The following CTNNA3 variants were observed in gnomAD, a reference collection of about 807,000 sequenced individuals.
CTNNA3 encodes catenin alpha-3.
In CTNNA3, 76 loss-of-function variants were observed where a neutral mutation model predicts 95.7. The ratio of observed to expected loss-of-function variants is 0.79; its 90% CI spans 0.66 to 0.96. The LOEUF (loss-of-function observed/expected upper bound fraction) is 0.96, where lower values mean the gene tolerates loss of function less well. Ranked by LOEUF, CTNNA3 falls within the 40% of genes least tolerant of loss-of-function variation. The pLI, the probability that CTNNA3 is intolerant of heterozygous loss-of-function variation, is 0.00. For synonymous variants in CTNNA3, 431 were observed against 374.4 expected, an observed-to-expected ratio of 1.15 and a Z score of -1.74; for missense variants, 1,191 against 1,089.8, an observed-to-expected ratio of 1.09 and a Z score of -1.31.
At chr10:66,881,417 G>C (rs1463157083) in intron 7 of CTNNA3, among the ~76,000 whole-genome samples, 2 of 152,122 alleles carry the variant, frequency 1.3e-5, no homozygotes, top group Admixed American at 6.6e-5. Flanking sequence ...TACCCTGTGT[G>C]CTGGATTATT....
At chr10:66,722,932 G>A (rs1377353599) in intron 9 of CTNNA3, among the ~76,000 whole-genome samples, 1 of 152,080 alleles carries the variant, frequency 6.6e-6, no homozygotes, top group Non-Finnish European at 1.5e-5. Context: ...TGTCCCTTCC[G>A]TCCAATCACA....
intron 10 of CTNNA3, among the ~76,000 whole-genome samples, chr10:66,525,505 C>T (rs1437480803): frequency 6.6e-6 from 1 of 152,064 alleles, no homozygotes; most frequent in African/African-American, 2.4e-5. Flanking sequence ...ACACTGTACT[C>T]TCTTCTATAA....
chr10:66,534,834 A>T lies in CTNNA3; in HGVS notation c.1375-14061T>A, dbSNP rs113123101. Among the ~76,000 whole-genome samples, 1,044 of 151,870 alleles carry T rather than the reference A, an allele frequency of 6.9e-3. 15 individuals are homozygous for T. Among genetic ancestry groups the T allele is most frequent in the African/African-American group, 0.024 (998 of 41,528 alleles). On this transcript the variant is annotated intron_variant, in intron 10 of 17. Coordinates refer to ENST00000433211, the MANE Select transcript of CTNNA3 (RefSeq NM_013266.4). ...ATTAAAATTAAATTATTTATTTTCTAAAGTTATGAAGTATTAAAGTTTGGA... is the reference window on the plus strand; with the variant it reads ...ATTAAAATTAAATTATTTATTTTCTTAAGTTATGAAGTATTAAAGTTTGGA...
intron 11 of CTNNA3, among the ~76,000 whole-genome samples, chr10:66,518,193 G>C (rs1840930325): frequency 6.6e-6 from 1 of 152,110 alleles, no homozygotes; most frequent in African/African-American, 2.4e-5. Flanking sequence ...AGCAGATCCA[G>C]AATATCGGTA....
chr10:66,370,601 A>T (rs567630197), intron 12 of CTNNA3, among the ~76,000 whole-genome samples: 1 of 152,258 alleles, frequency 6.6e-6, no homozygotes, highest in Non-Finnish European at 1.5e-5. Flanking sequence ...CTTAGCTCTC[A>T]AGGTAGCTGG....
In CTNNA3 at chr10:67,148,687, C is replaced by T. The variant is rs1376610271; in HGVS notation, c.1047+31630G>A. ...AAAATTTCCTCATCCAGTGCACTAC[C>T]CTCTTCTTACATGTGGGAGCAAATG... On this transcript the variant is annotated intron_variant, in intron 7 of 17. Transcript: ENST00000433211. 2.0e-5 allele frequency among the ~76,000 whole-genome samples: 3 copies of T among 152,144 alleles called. No individual in the cohort carries two copies. In the East Asian group the frequency reaches 5.8e-4, roughly 29 times the overall value.
At chr10:66,176,123 C>T (rs35867250) in intron 13 of CTNNA3, among the ~76,000 whole-genome samples, 12,946 of 152,116 alleles carry the variant, frequency 0.085, 608 homozygotes, top group Admixed American at 0.12. Context: ...GCCATAGCAC[C>T]GGCTTTAAAA....
At chr10:66,444,674 G>A (rs1423938444) in intron 11 of CTNNA3, among the ~76,000 whole-genome samples, 1 of 152,060 alleles carries the variant, frequency 6.6e-6, no homozygotes, top group Non-Finnish European at 1.5e-5. Context: ...CCTGAAGGAA[G>A]CACTAAACAT....
intron 13 of CTNNA3, among the ~76,000 whole-genome samples, chr10:66,176,959 G>GA (rs35280540): frequency 0.063 from 9,324 of 148,786 alleles, 362 homozygotes; most frequent in Non-Finnish European, 0.094. Flanking sequence ...TTTCTTAAGG[G>GA]AAAAAAAAAA....
intron 1 of CTNNA3, among the ~76,000 whole-genome samples, chr10:67,668,323 A>T (rs1173602001): frequency 1.3e-5 from 2 of 152,158 alleles, no homozygotes; most frequent in African/African-American, 2.4e-5. Flanking sequence ...AATTTTCAAT[A>T]TATTTTATAT....
At chr10:66,944,320 A>G (rs1011867318) in intron 7 of CTNNA3, among the ~76,000 whole-genome samples, 1 of 152,208 alleles carries the variant, frequency 6.6e-6, no homozygotes, top group African/African-American at 2.4e-5. Flanking sequence ...ATAAGCAGCA[A>G]CTCCTCATCC....
chr10:67,268,577 T>G (rs1247713850), intron 5 of CTNNA3, among the ~76,000 whole-genome samples: 1 of 152,012 alleles, frequency 6.6e-6, no homozygotes, highest in Non-Finnish European at 1.5e-5. Context: ...AAAATGAGAC[T>G]TTTTAATAAG....
At chr10:66,286,073 A>G (rs2091582865) in intron 12 of CTNNA3, among the ~76,000 whole-genome samples, 1 of 151,986 alleles carries the variant, frequency 6.6e-6, no homozygotes, top group African/African-American at 2.4e-5. Context: ...ATCCTAGTAG[A>G]TGTTTTTTGG....
intron 7 of CTNNA3, among the ~76,000 whole-genome samples, chr10:67,174,543 C>G (rs1041919196): frequency 2.0e-5 from 3 of 152,174 alleles, no homozygotes; most frequent in Non-Finnish European, 4.4e-5. Flanking sequence ...CAGAGCAGCT[C>G]AGAAAAATAA....
intron 11 of CTNNA3, among the ~76,000 whole-genome samples, chr10:66,516,086 C>G (rs1298303091): frequency 1.0e-5 from 1 of 98,464 alleles, no homozygotes; most frequent in Admixed American, 1.0e-4. Context: ...AAAAAGGTAA[C>G]CCATCTATTC....
chr10:66,277,767 G>A (rs1466145255), intron 13 of CTNNA3, among the ~76,000 whole-genome samples: 1 of 151,992 alleles, frequency 6.6e-6, no homozygotes, highest in African/African-American at 2.4e-5. Context: ...TTCAAGTACA[G>A]CAGCTCTGAT....
intron 11 of CTNNA3, among the ~76,000 whole-genome samples, chr10:66,450,661 C>T (rs2093457577): frequency 6.6e-6 from 1 of 152,018 alleles, no homozygotes; most frequent in Admixed American, 6.6e-5. Context: ...TATAACATCT[C>T]AAGGAAGAAC....
chr10:67,249,098 T>A (rs1866011275), intron 5 of CTNNA3, among the ~76,000 whole-genome samples: 1 of 151,942 alleles, frequency 6.6e-6, no homozygotes. Flanking sequence ...ATAAATCACA[T>A]TTCATGAAAA....
intron 7 of CTNNA3, 57 bp from the exon 8 acceptor site, chr10:66,775,581 C>G: frequency 8.0e-7 from 1 of 1,251,682 alleles, no homozygotes; most frequent in Non-Finnish European, 1.1e-6. Flanking sequence ...TATCACTTAG[C>G]AATTTGCTTT....
Sources: gnomAD v4.1 joint callset for allele counts (sites outside exome capture counted in the v4.1 genomes callset) on GRCh38, gnomAD v4.1.1 for gene constraint, MANE v1.5 for transcripts, NCBI Gene and HGNC (gene_info 2026-07-23, HGNC 2026-07-21) for gene names.